The following UGGT2 variants were observed in gnomAD, a reference collection of about 807,000 sequenced individuals.
The protein encoded by UGGT2 is UDP-glucose:glycoprotein glucosyltransferase 2.
A neutral mutation model predicts 192.1 loss-of-function variants in UGGT2; 180 were observed. The observed-to-expected ratio is 0.94, with a 90% CI of 0.83 to 1.06. The LOEUF (loss-of-function observed/expected upper bound fraction) is 1.06, where lower values mean the gene tolerates loss of function less well. Ranked by LOEUF, UGGT2 falls within the 50% of genes least tolerant of loss-of-function variation. The pLI, the probability that UGGT2 is intolerant of heterozygous loss-of-function variation, is 0.00. For synonymous variants in UGGT2, 580 were observed against 591.0 expected, an observed-to-expected ratio of 0.98 and a Z score of 0.27; for missense variants, 1,849 against 1,795.7, an observed-to-expected ratio of 1.03 and a Z score of -0.54.
At chr13:96,053,032 C>T in intron 1 of UGGT2, 123 bp downstream of exon 1, 6 of 1,314,902 alleles carry the variant, frequency 4.6e-6, no homozygotes, top group Non-Finnish European at 5.9e-6. Context: ...TGCTCAGGGC[C>T]AGAGCGGGGG....
intron 16 of UGGT2, 142 bp downstream of exon 16, chr13:95,939,815 C>T (rs941097153): frequency 4.5e-5 from 27 of 598,570 alleles, no homozygotes; most frequent in Non-Finnish European, 6.7e-5. Flanking sequence ...CCCAATTCTG[C>T]CATCCCCAGC....
At chr13:95,857,325 TA>T (rs1374320225) in intron 33 of UGGT2, among the ~76,000 whole-genome samples, 1 of 152,136 alleles carries the variant, frequency 6.6e-6, no homozygotes, top group African/African-American at 2.4e-5. Flanking sequence ...GGCACTGTTC[TA>T]GGATCTAAGG....
intron 20 of UGGT2, among the ~76,000 whole-genome samples, chr13:95,910,821 C>T (rs574655610): frequency 3.9e-5 from 6 of 152,154 alleles, no homozygotes; most frequent in African/African-American, 7.2e-5. Flanking sequence ...ATTCTAAAAT[C>T]GACTACATAA....
At chr13:95,820,568 A>C (rs1240932627) in intron 38 of UGGT2, among the ~76,000 whole-genome samples, 1 of 152,190 alleles carries the variant, frequency 6.6e-6, no homozygotes, top group African/African-American at 2.4e-5. Context: ...CACATATAAG[A>C]ATAATAGGTC....
chr13:96,009,400 C>T (rs2139054728), intron 5 of UGGT2, among the ~76,000 whole-genome samples: 1 of 152,308 alleles, frequency 6.6e-6, no homozygotes, highest in South Asian at 2.1e-4. Flanking sequence ...ACAGAGTAAA[C>T]ACGCAACCTA....
At chr13:95,979,834 C>T (rs1247632783) in intron 10 of UGGT2, among the ~76,000 whole-genome samples, 2 of 151,976 alleles carry the variant, frequency 1.3e-5, no homozygotes, top group Non-Finnish European at 2.9e-5. Flanking sequence ...GGGCTAAGAA[C>T]ATGAATTAGA....
In UGGT2 at chr13:95,867,423, C is replaced by T; in HGVS notation, c.3474G>A (p.Gly1158=). 1 of 1,601,048 alleles carries T rather than the reference C, an allele frequency of 6.2e-7. No individual in the cohort carries two copies. Among genetic ancestry groups the T allele is most frequent in the Non-Finnish European group, 8.5e-7 (1 of 1,175,634 alleles). Residue 1158 remains glycine (G), a splice_region_variant and synonymous_variant, in exon 30 of 39, where the codon GGG becomes GGA. Transcript: ENST00000376747. ...CTGCTTGAGAGTCAGTTCCTTCATG[C>T]CTAAAAGTAGAAAAATGTGTCCATA... The part of the protein sequence containing the change: ...GKSEDIYQIV[G]HEGTDSQADL...
At chr13:95,854,197 T>G in intron 35 of UGGT2, 118 bp downstream of exon 35, 1 of 1,064,052 alleles carries the variant, frequency 9.4e-7, no homozygotes, top group Non-Finnish European at 1.4e-6. Flanking sequence ...GAACACTATG[T>G]AATTGGTTGC....
At chr13:95,989,025 G>C (rs745692022) in intron 8 of UGGT2, among the ~76,000 whole-genome samples, 4 of 152,074 alleles carry the variant, frequency 2.6e-5, no homozygotes, top group Non-Finnish European at 4.4e-5. Context: ...AAGTAGATTG[G>C]TGGTTGCCTA....
chr13:96,013,053 T>A (rs1486640250), intron 5 of UGGT2, among the ~76,000 whole-genome samples: 1 of 152,082 alleles, frequency 6.6e-6, no homozygotes, highest in African/African-American at 2.4e-5. Flanking sequence ...TTATACACAT[T>A]ATTGAAGTAT....
At chr13:96,041,894 G>A (rs918794583) in intron 1 of UGGT2, among the ~76,000 whole-genome samples, 1 of 151,830 alleles carries the variant, frequency 6.6e-6, no homozygotes, top group Non-Finnish European at 1.5e-5. Flanking sequence ...TCTGAGCCCA[G>A]ACATGCCCTA....
chr13:95,860,220 T>A (rs889676220), intron 32 of UGGT2, among the ~76,000 whole-genome samples: 1 of 151,688 alleles, frequency 6.6e-6, no homozygotes. Context: ...TTTTGTACTT[T>A]GCAATATGCA....
At chr13:95,978,139 C>G (rs941908930) in intron 10 of UGGT2, among the ~76,000 whole-genome samples, 12 of 151,790 alleles carry the variant, frequency 7.9e-5, no homozygotes, top group African/African-American at 2.9e-4. Context: ...AGTGTACCTA[C>G]GTAACAAACC....
rs367641298 is a variant in UGGT2 at position 95,801,764 on chromosome 13, C to G, written c.*26G>C. 1.2e-6 allele frequency: 2 copies of G among 1,610,496 alleles called. No individual in the cohort carries two copies. Among genetic ancestry groups the G allele is most frequent in the Non-Finnish European group, 1.7e-6 (2 of 1,178,504 alleles). The stretch of plus-strand genomic sequence containing the variant: ...GGCGGCAGGTTTCCTGTCATGCTTT[C>G]GCCTTCCTTCTCATATACACCAGTG... On this transcript the variant is annotated 3_prime_UTR_variant, in exon 39 of 39. Coordinates refer to ENST00000376747, the MANE Select transcript of UGGT2 (RefSeq NM_020121.4).
At chr13:95,969,546 GCTTT>G (rs1388469829) in intron 12 of UGGT2, among the ~76,000 whole-genome samples, 2 of 152,148 alleles carry the variant, frequency 1.3e-5, no homozygotes, top group African/African-American at 4.8e-5. Context: ...AAAAAAAAGT[GCTTT>G]CTAAGCATGA....
chr13:95,977,671 A>AC (rs2050981145), intron 10 of UGGT2, among the ~76,000 whole-genome samples: 1 of 152,200 alleles, frequency 6.6e-6, no homozygotes, highest in Admixed American at 6.5e-5. Flanking sequence ...ATACCATTTG[A>AC]CCCAGCAGTC....
chr13:95,890,826 A>G, intron 25 of UGGT2, 36 bp downstream of exon 25: 1 of 1,538,170 alleles, frequency 6.5e-7, no homozygotes, highest in Non-Finnish European at 8.9e-7. Flanking sequence ...ATGAATTTAA[A>G]AACAAAAACA....
At chr13:95,857,953 AG>A (rs1372800166) in intron 33 of UGGT2, among the ~76,000 whole-genome samples, 1 of 151,786 alleles carries the variant, frequency 6.6e-6, no homozygotes, top group African/African-American at 2.4e-5. Context: ...AAAAATTAGT[AG>A]AAAAATAGTA....
intron 4 of UGGT2, among the ~76,000 whole-genome samples, chr13:96,013,862 A>C (rs184941960): frequency 1.3e-5 from 2 of 152,260 alleles, no homozygotes; most frequent in Non-Finnish European, 2.9e-5. Context: ...CAAAAGTACT[A>C]CCTTATTCAA....
Sources: gnomAD v4.1 joint callset for allele counts (sites outside exome capture counted in the v4.1 genomes callset) on GRCh38, gnomAD v4.1.1 for gene constraint, MANE v1.5 for transcripts, NCBI Gene and HGNC (gene_info 2026-07-23, HGNC 2026-07-21) for gene names.